The following RNLS variants were observed in gnomAD, a reference collection of about 807,000 sequenced individuals.
The protein encoded by RNLS is renalase, FAD dependent amine oxidase.
Under a neutral mutation model 39.8 loss-of-function variants are expected in RNLS, and 39 were observed. The observed-to-expected ratio is 0.98, with a 90% CI of 0.76 to 1.28. The LOEUF is 1.28. Ranked by LOEUF, RNLS falls within the 50% of genes most tolerant of loss-of-function variation. The pLI is 0.00. For missense variants in RNLS, 410 were observed against 413.3 expected, an observed-to-expected ratio of 0.99 and a Z score of 0.07; for synonymous variants, 147 against 150.7, an observed-to-expected ratio of 0.98 and a Z score of 0.18.
rs150366474 is a variant in RNLS, at chr10:88,534,238, C to A, written c.526+38665G>T. Among the ~76,000 whole-genome samples, 4 of 152,162 alleles carry A rather than the reference C, an allele frequency of 2.6e-5. No individual in the cohort carries two copies. In the East Asian group the frequency reaches 7.7e-4, roughly 29 times the overall value. ...ATTTGTTTTATGGACTGGAGACCTG[C>A]AGCATTATGTAACATAGAAGCCCTG... On this transcript the variant is annotated intron_variant, in intron 4 of 6. Transcript: ENST00000331772.
At chr10:88,299,471 A>G (rs1276744110) in intron 6 of RNLS, among the ~76,000 whole-genome samples, 1 of 152,106 alleles carries the variant, frequency 6.6e-6, no homozygotes, top group African/African-American at 2.4e-5. Flanking sequence ...AAAAATACAA[A>G]AAAATTAGCC....
chr10:88,551,608 A>AT, intron 4 of RNLS, among the ~76,000 whole-genome samples: 1 of 152,192 alleles, frequency 6.6e-6, no homozygotes, highest in Non-Finnish European at 1.5e-5. Flanking sequence ...GCTTGTGATC[A>AT]TAATACACAT....
chr10:88,323,494 C>T (rs1399845983), intron 5 of RNLS, among the ~76,000 whole-genome samples: 1 of 151,940 alleles, frequency 6.6e-6, no homozygotes, highest in Non-Finnish European at 1.5e-5. Context: ...TAAAAACAAA[C>T]AATGAAGAAA....
At chr10:88,411,262 T>A (rs986812144) in intron 4 of RNLS, among the ~76,000 whole-genome samples, 1 of 152,156 alleles carries the variant, frequency 6.6e-6, no homozygotes, top group African/African-American at 2.4e-5. Context: ...TTTCTGAAAA[T>A]GCAATTTTCA....
chr10:88,523,900 C>A (rs1204248646), intron 4 of RNLS, among the ~76,000 whole-genome samples: 1 of 152,136 alleles, frequency 6.6e-6, no homozygotes, highest in Non-Finnish European at 1.5e-5. Flanking sequence ...TGCCGACCTA[C>A]ATCTTCCTGG....
At chr10:88,251,917 C>A in the RNLS span, among the ~76,000 whole-genome samples, 2 of 152,170 alleles carry the variant, frequency 1.3e-5, no homozygotes, top group East Asian at 3.8e-4. Context: ...AAGCCTCTTC[C>A]AATGGTGCAC....
intron 5 of RNLS, among the ~76,000 whole-genome samples, chr10:88,332,192 A>T (rs1387696795): frequency 7.2e-5 from 11 of 152,254 alleles, no homozygotes; most frequent in Non-Finnish European, 1.3e-4. Context: ...AGCAGCCAAA[A>T]TTCAGCTATG....
chr10:88,373,525 T>A (rs1830515947), intron 4 of RNLS, among the ~76,000 whole-genome samples: 1 of 152,162 alleles, frequency 6.6e-6, no homozygotes, highest in Non-Finnish European at 1.5e-5. Context: ...AAATTATGCT[T>A]TCATAACTAA....
chr10:88,376,128 A>C (rs932298715), intron 4 of RNLS, among the ~76,000 whole-genome samples: 1 of 152,102 alleles, frequency 6.6e-6, no homozygotes, highest in East Asian at 1.9e-4. Flanking sequence ...TTGGTTGATA[A>C]GATTCCCAGG....
intron 4 of RNLS, among the ~76,000 whole-genome samples, chr10:88,561,591 A>G (rs914426360): frequency 2.6e-5 from 4 of 152,150 alleles, no homozygotes; most frequent in African/African-American, 9.6e-5. Flanking sequence ...GATAAAAATT[A>G]AAAATATTAG....
At chr10:88,191,439 G>T in the RNLS span, among the ~76,000 whole-genome samples, 1 of 151,704 alleles carries the variant, frequency 6.6e-6, no homozygotes, top group South Asian at 2.1e-4. Context: ...CATATTTATG[G>T]TGTATGATGT....
chr10:88,411,781 T>C (rs1025569134), intron 4 of RNLS, among the ~76,000 whole-genome samples: 5 of 152,084 alleles, frequency 3.3e-5, no homozygotes, highest in Non-Finnish European at 7.3e-5. Context: ...CTGTCTGTTT[T>C]GGGAAGAAGT....
intron 4 of RNLS, among the ~76,000 whole-genome samples, chr10:88,502,253 TC>T (rs1399232936): frequency 6.8e-6 from 1 of 146,856 alleles, no homozygotes; most frequent in Admixed American, 7.3e-5. Context: ...TGAAATTTGA[TC>T]CCCAATGTGG....
chr10:88,391,316 T>C (rs1056233016), intron 4 of RNLS, among the ~76,000 whole-genome samples: 7 of 152,228 alleles, frequency 4.6e-5, no homozygotes, highest in African/African-American at 1.2e-4. Flanking sequence ...CCCAGCACTT[T>C]GGGAGTTCCG....
intron 4 of RNLS, among the ~76,000 whole-genome samples, chr10:88,429,875 G>T (rs1855033808): frequency 6.6e-6 from 1 of 151,694 alleles, no homozygotes; most frequent in South Asian, 2.1e-4. Context: ...TTTCTATTCG[G>T]TTCCGCTGAT....
At chr10:88,221,649 C>A in the RNLS span, among the ~76,000 whole-genome samples, 1 of 152,224 alleles carries the variant, frequency 6.6e-6, no homozygotes, top group South Asian at 2.1e-4. Flanking sequence ...AACTCTGCCA[C>A]TAACCTGCAA....
chr10:88,215,561 A>T, the RNLS span, among the ~76,000 whole-genome samples: 1 of 152,162 alleles, frequency 6.6e-6, no homozygotes, highest in African/African-American at 2.4e-5. Flanking sequence ...TAAATTGTAA[A>T]TAATGTGTCC....
At position 88,284,576 on chromosome 10, in the gene RNLS, A is replaced by G; in HGVS notation, c.*778T>C. 1 of 985,320 alleles carries G rather than the reference A, an allele frequency of 1.0e-6. No individual in the cohort carries two copies. The highest frequency in any genetic ancestry group is 1.2e-6 in the Non-Finnish European group (1 of 829,828). 61.0% of individuals were successfully genotyped at this position (985,320 alleles called of 1,614,324 possible). ...CTCGACACAGTCTAAATGCCACAGC[A>G]CATACTGGAGAACCCATAAAGTAAC... On this transcript the variant is annotated 3_prime_UTR_variant, in exon 7 of 7. Transcript: ENST00000331772.
chr10:88,204,211 C>A, the RNLS span, among the ~76,000 whole-genome samples: 2 of 152,180 alleles, frequency 1.3e-5, no homozygotes, highest in African/African-American at 4.8e-5. Context: ...TATGAGTTGC[C>A]AGATCCTGGA....
Sources: allele counts gnomAD v4.1 joint callset (sites outside exome capture counted in the v4.1 genomes callset), GRCh38; gene constraint gnomAD v4.1.1; transcripts MANE v1.5; gene names NCBI Gene and HGNC (gene_info 2026-07-23, HGNC 2026-07-21).